TTC19: variants seen among roughly 807,000 people sequenced by gnomAD.
TTC19 encodes tetratricopeptide repeat domain 19.
Under a neutral mutation model 49.5 loss-of-function variants are expected in TTC19, and 38 were observed. The observed-to-expected ratio is 0.77, with a 90% CI of 0.59 to 1.01. TTC19 has a LOEUF of 1.01. Among genes scored for constraint, TTC19 ranks in the 50% least tolerant of loss-of-function variants. The pLI, the probability that TTC19 is intolerant of heterozygous loss-of-function variation, is 0.00. For missense variants in TTC19, 475 were observed against 477.7 expected, an observed-to-expected ratio of 0.99 and a Z score of 0.05; for synonymous variants, 204 against 185.2, an observed-to-expected ratio of 1.10 and a Z score of -0.83.
At position 16,016,120 on chromosome 17, in the gene TTC19, T is replaced by C. The variant is rs144243888; in HGVS notation, c.677-8897T>C. On this transcript the variant is annotated intron_variant, in intron 7 of 9. Transcript: ENST00000261647. ...GTCCCTTAGGTGGGAGATGAGGTTA[T>C]TGATTTAAGGTTTTTCTTCTAACAT... is the stretch of plus-strand genomic sequence containing the variant. Among the ~76,000 whole-genome samples, 768 of 152,336 alleles carry C rather than the reference T, an allele frequency of 5.0e-3. 9 individuals carry two copies. The highest frequency in any genetic ancestry group is 0.017 in the African/African-American group (722 of 41,586).
In TTC19 at chr17:16,025,012, CT is replaced by C; in HGVS notation, c.677-3del. ...TAGATTTGCTGATTCCTCTTTTCTC[CT>C]TAGTGGAAGAGAAAGCCAATACCCA... On this transcript the variant is annotated splice_region_variant and splice_polypyrimidine_tract_variant and intron_variant, in intron 7 of 9. Transcript: ENST00000261647. 1.9e-6 allele frequency: 3 copies of C among 1,613,774 alleles called. No individual in the cohort carries two copies. Among genetic ancestry groups the C allele is most frequent in the Non-Finnish European group, 2.5e-6 (3 of 1,179,774 alleles).
intron 7 of TTC19, among the ~76,000 whole-genome samples, chr17:16,008,224 CTTATAA>C (rs1025040143): frequency 7.2e-5 from 11 of 152,164 alleles, no homozygotes; most frequent in Admixed American, 1.3e-4. Context: ...AAATGGCAGA[CTTATAA>C]TTATGATTGC....
chr17:16,013,655 T>C (rs559355968), intron 7 of TTC19, among the ~76,000 whole-genome samples: 44 of 152,332 alleles, frequency 2.9e-4, no homozygotes, highest in African/African-American at 1.1e-3. Context: ...ATTTACCTGA[T>C]GAGTTTTATA....
Position 16,000,145 on chromosome 17 carries a change from C to T in TTC19, c.212C>T (p.Ala71Val). ...CTCGCCTGGTTCTCGAGGCCCGCTG[C>T]GGCAGAGGAGGAGGAGCAGCAGGGA... is the stretch of plus-strand genomic sequence containing the variant. ...AALAWFSRPA[A>V]AEEEEQQGAD... The change falls in exon 2 of 10, where the codon GCG becomes GTG. Residue 71 changes from alanine (A) to valine (V), a missense_variant. Physicochemically the swap from Ala to Val is moderately conservative, Grantham distance 64. Transcript: ENST00000261647. 1 of 1,581,100 alleles carries T rather than the reference C, an allele frequency of 6.3e-7. No individual in the cohort carries two copies. Among genetic ancestry groups the T allele is most frequent in the Non-Finnish European group, 8.5e-7 (1 of 1,172,114 alleles).
chr17:16,020,846 T>TA (rs1971357688), intron 7 of TTC19, among the ~76,000 whole-genome samples: 1 of 151,918 alleles, frequency 6.6e-6, no homozygotes, highest in Non-Finnish European at 1.5e-5. Flanking sequence ...CTTATATATA[T>TA]TTTTGGGGGG....
At chr17:16,036,599 T>A (rs1175509041) in intron 2 of TTC19, among the ~76,000 whole-genome samples, 1 of 152,238 alleles carries the variant, frequency 6.6e-6, no homozygotes, top group Non-Finnish European at 1.5e-5. Flanking sequence ...TGCTGCAACA[T>A]CTTCATCAGC....
In TTC19 at chr17:16,028,897, G is replaced by C. The variant is rs1341059998; in HGVS notation, c.*1375G>C. On this transcript the variant is annotated 3_prime_UTR_variant, in exon 10 of 10. Transcript: ENST00000261647. ...GAAACCTTGAGGTCCAAATCCTCAG[G>C]GATTAGACTAAAACTAGAGTTTTGT... 2.4e-6 allele frequency: 1 copy of C among 409,790 alleles called. No individual in the cohort carries two copies. Among genetic ancestry groups the C allele is most frequent in the African/African-American group, 2.2e-5 (1 of 45,472 alleles). 25.4% of individuals were successfully genotyped at this position (409,790 alleles called of 1,614,324 possible).
intron 2 of TTC19, among the ~76,000 whole-genome samples, chr17:16,034,502 G>C (rs566157991): frequency 4.1e-4 from 63 of 152,110 alleles, no homozygotes; most frequent in African/African-American, 1.3e-3. Flanking sequence ...CAGCTACTTG[G>C]GTCGCTCAGG....
At position 15,999,917 on chromosome 17, in the gene TTC19, C is replaced by T. The variant is rs766119966; in HGVS notation, c.69C>T (p.Gly23=). 2.2e-6 allele frequency: 3 copies of T among 1,356,690 alleles called. No homozygotes were observed. The highest frequency in any genetic ancestry group is 2.7e-4 in the Middle Eastern group (1 of 3,670). The allele number at this position is 1,356,690 out of a possible 1,614,324, so 84.0% of individuals were successfully genotyped here. ...GGGCCGCGGGGCGGCGGTGCCGGGG[C>T]TGCTCCGCGCGCCTGCTCCCGGGGC... ...FLRAAGRRCR[G]CSARLLPGLA... The change falls in exon 1 of 10, where the codon GGC becomes GGT. Residue 23 remains glycine, a synonymous_variant. Coordinates refer to ENST00000261647, the MANE Select transcript of TTC19 (RefSeq NM_017775.4).
At chr17:16,010,056 T>C (rs1971020217) in intron 7 of TTC19, among the ~76,000 whole-genome samples, 1 of 151,942 alleles carries the variant, frequency 6.6e-6, no homozygotes, top group Admixed American at 6.5e-5. Context: ...TCCAATGTTA[T>C]CTGTTAGTAT....
chr17:16,004,434 C>G lies in TTC19; in HGVS notation c.581+172C>G, dbSNP rs540839435. On this transcript the variant is annotated intron_variant, in intron 6 of 9. Transcript: ENST00000261647. ...TCAGTCTTTTTCCAGTTTGCCCCTA[C>G]TGTTTCCATCAGCCTGCCTAGTGGG... Among the ~76,000 whole-genome samples the G allele has an allele frequency of 6.7e-4, 102 of 152,318 alleles. 1 individual carries two copies. The highest frequency in any genetic ancestry group is 3.4e-3 in the Middle Eastern group (1 of 294).
At chr17:16,032,067 ATTAT>A, downstream of TTC19, 1 of 491,832 alleles carries the variant, frequency 2.0e-6, no homozygotes, top group Non-Finnish European at 3.5e-6. Context: ...CTCCACTATT[ATTAT>A]AGTCCACTGA....
In TTC19 at chr17:16,028,690, TG is replaced by T; in HGVS notation, c.*1173del. Reference sequence around the variant, plus strand: ...AAGATTGACCCTGTTGGTATGCCTGTGGGGGTGGGATGTGAGTGGGACTGAT... The same window carrying T: ...AAGATTGACCCTGTTGGTATGCCTGTGGGGTGGGATGTGAGTGGGACTGAT... On this transcript the variant is annotated 3_prime_UTR_variant, in exon 10 of 10. Transcript: ENST00000261647. 1 of 453,420 alleles carries T rather than the reference TG, an allele frequency of 2.2e-6. No homozygotes were observed. Among genetic ancestry groups the T allele is most frequent in the South Asian group, 1.6e-5 (1 of 64,456 alleles). 28.1% of individuals were successfully genotyped at this position (453,420 alleles called of 1,614,324 possible).
intron 9 of TTC19, 98 bp downstream of exon 9, chr17:16,026,800 C>T (rs1052512300): frequency 9.8e-6 from 12 of 1,228,230 alleles, no homozygotes; most frequent in South Asian, 3.7e-5. Context: ...CAAGGGCCAA[C>T]GAATAAACAT....
chr17:16,005,708 A>G (rs1037656844), intron 6 of TTC19, among the ~76,000 whole-genome samples: 1 of 152,224 alleles, frequency 6.6e-6, no homozygotes, highest in Non-Finnish European at 1.5e-5. Flanking sequence ...AGAAACTTTT[A>G]TCAGAGACTT....
intron 4 of TTC19, among the ~76,000 whole-genome samples, chr17:16,003,395 C>A (rs1286796642): frequency 6.6e-6 from 1 of 151,244 alleles, no homozygotes; most frequent in Non-Finnish European, 1.5e-5. Flanking sequence ...GGATTCCAGG[C>A]GTGTGCCACA....
chr17:16,044,109 C>T (rs925216725), intron 2 of TTC19, among the ~76,000 whole-genome samples: 8 of 133,134 alleles, frequency 6.0e-5, no homozygotes, highest in African/African-American at 1.7e-4. Flanking sequence ...GCGGAGGTTG[C>T]GGTGAGCCGA....
In TTC19 at chr17:16,028,430, A is replaced by T. The variant is rs934905097; in HGVS notation, c.*908A>T. On this transcript the variant is annotated 3_prime_UTR_variant, in exon 10 of 10. Transcript: ENST00000261647. ...TTAGTCCTAGCCTTTTTGCTTTTGC[A>T]ATTTCAGTATCTTCATCTCTAAACT... 1.1e-5 allele frequency: 5 copies of T among 453,944 alleles called. No individual in the cohort carries two copies. The allele number at this position is 453,944 out of a possible 1,614,324, so 28.1% of individuals were successfully genotyped here. A position where few individuals can be genotyped will look rare whatever the true frequency, so the allele number is the denominator to read the frequency against.
chr17:16,013,577 T>C (rs183308441), intron 7 of TTC19, among the ~76,000 whole-genome samples: 8 of 152,338 alleles, frequency 5.3e-5, no homozygotes, highest in East Asian at 1.9e-4. Context: ...TTCTTGCAGA[T>C]AGTAATCAAT....
Sources: gnomAD v4.1 joint callset for allele counts (sites outside exome capture counted in the v4.1 genomes callset) on GRCh38, gnomAD v4.1.1 for gene constraint, MANE v1.5 for transcripts, NCBI Gene and HGNC (gene_info 2026-07-23, HGNC 2026-07-21) for gene names.